Variants in PLA2G12B observed in about 807,000 individuals in gnomAD.
The protein encoded by PLA2G12B is phospholipase A2 group XIIB, also known as group XIIB secretory phospholipase A2-like protein.
A neutral mutation model predicts 22.3 loss-of-function variants in PLA2G12B; 19 were observed. The observed-to-expected ratio is 0.85, with a 90% CI of 0.60 to 1.25. The LOEUF (loss-of-function observed/expected upper bound fraction) is 1.25, where lower values mean the gene tolerates loss of function less well. Ranked by LOEUF, PLA2G12B falls within the 50% of genes most tolerant of loss-of-function variation. The pLI, the probability that PLA2G12B is intolerant of heterozygous loss-of-function variation, is 0.00. For missense variants in PLA2G12B, 191 were observed against 246.6 expected, an observed-to-expected ratio of 0.77 and a Z score of 1.51; for synonymous variants, 81 against 94.9, an observed-to-expected ratio of 0.85 and a Z score of 0.85.
chr10:72,949,852 T>G (rs1846499997), intron 1 of PLA2G12B, among the ~76,000 whole-genome samples: 1 of 152,158 alleles, frequency 6.6e-6, no homozygotes, highest in Non-Finnish European at 1.5e-5. Context: ...GGCGCATGCC[T>G]GTAATCCCAG....
intron 3 of PLA2G12B, among the ~76,000 whole-genome samples, chr10:72,939,247 C>T (rs1353863440): frequency 6.6e-6 from 1 of 152,190 alleles, no homozygotes; most frequent in African/African-American, 2.4e-5. Flanking sequence ...CTTAATAAAT[C>T]TGTTTCAACA....
intron 1 of PLA2G12B, among the ~76,000 whole-genome samples, chr10:72,948,951 C>T (rs908112076): frequency 1.3e-5 from 2 of 152,332 alleles, no homozygotes; most frequent in Non-Finnish European, 2.9e-5. Context: ...CGGGCCCGCC[C>T]TTTTATCTCT....
intron 1 of PLA2G12B, among the ~76,000 whole-genome samples, chr10:72,949,874 G>A (rs943788650): frequency 2.6e-5 from 4 of 152,172 alleles, no homozygotes; most frequent in Non-Finnish European, 2.9e-5. Flanking sequence ...TACGCCAGGA[G>A]GCTGAGGTAG....
chr10:72,946,502 C>CATTT (rs1364910212), intron 1 of PLA2G12B, among the ~76,000 whole-genome samples: 5 of 152,276 alleles, frequency 3.3e-5, no homozygotes, highest in African/African-American at 1.2e-4. Flanking sequence ...CCCTGTTGAA[C>CATTT]ATTTTAAGGA....
intron 1 of PLA2G12B, among the ~76,000 whole-genome samples, chr10:72,949,276 C>G (rs1846489210): frequency 6.6e-6 from 1 of 152,044 alleles, no homozygotes; most frequent in Non-Finnish European, 1.5e-5. Context: ...AGCAATAGTT[C>G]CTATCACTCT....
At chr10:72,939,710 A>G (rs80052464) in intron 3 of PLA2G12B, among the ~76,000 whole-genome samples, 54 of 152,368 alleles carry the variant, frequency 3.5e-4, no homozygotes, top group Non-Finnish European at 6.5e-4. Context: ...CTACGAAGGG[A>G]CAGTTCTGAG....
At chr10:72,937,918 C>G (rs1846302697) in intron 3 of PLA2G12B, among the ~76,000 whole-genome samples, 1 of 151,926 alleles carries the variant, frequency 6.6e-6, no homozygotes, top group Middle Eastern at 3.4e-3. Flanking sequence ...AGTTCCAGAC[C>G]AGCCTGACAA....
intron 1 of PLA2G12B, among the ~76,000 whole-genome samples, chr10:72,946,929 T>G (rs981196407): frequency 6.6e-6 from 1 of 152,066 alleles, no homozygotes; most frequent in African/African-American, 2.4e-5. Flanking sequence ...CTTCTTTTTT[T>G]TTTTTAAGAG....
At position 72,947,252 on chromosome 10, in the gene PLA2G12B, T is replaced by G. The variant is rs536904176; in HGVS notation, c.212-4512A>C. Among the ~76,000 whole-genome samples, 302 of 152,076 alleles carry G rather than the reference T, an allele frequency of 2.0e-3. 1 individual carries two copies. Among genetic ancestry groups the G allele is most frequent in the African/African-American group, 6.7e-3 (277 of 41,470 alleles). On this transcript the variant is annotated intron_variant, in intron 1 of 3. Transcript: ENST00000373032. ...TTTTCATTTTCTTATTTTATTTTAT[T>G]TTTTGAGACAGGGTCTCTCACTCTG...
intron 3 of PLA2G12B, among the ~76,000 whole-genome samples, chr10:72,936,364 T>G (rs2132959261): frequency 6.6e-6 from 1 of 152,042 alleles, no homozygotes; most frequent in East Asian, 1.9e-4. Context: ...GCAGCAAGGG[T>G]TATTAGGAGA....
At position 72,953,673 on chromosome 10, in the gene PLA2G12B, C is replaced by T. The variant is rs75893840; in HGVS notation, c.211+802G>A. Reference sequence around the variant, plus strand: ...ATTTTGCTCCCCTTACATTAACTTCCAGGGCCCCTGGGACCAGGGGCTCTG... The same window carrying T: ...ATTTTGCTCCCCTTACATTAACTTCTAGGGCCCCTGGGACCAGGGGCTCTG... On this transcript the variant is annotated intron_variant, in intron 1 of 3. Coordinates refer to ENST00000373032, the MANE Select transcript of PLA2G12B (RefSeq NM_032562.5). 5.7e-3 allele frequency among the ~76,000 whole-genome samples: 863 copies of T among 152,198 alleles called. 6 individuals carry two copies. The highest frequency in any genetic ancestry group is 9.1e-3 in the Non-Finnish European group (622 of 67,994).
intron 3 of PLA2G12B, among the ~76,000 whole-genome samples, chr10:72,940,666 T>C (rs560598854): frequency 6.6e-6 from 1 of 152,120 alleles, no homozygotes; most frequent in Admixed American, 6.5e-5. Context: ...AGTGAGATTC[T>C]GTCTCAAAAA....
intron 1 of PLA2G12B, among the ~76,000 whole-genome samples, chr10:72,951,364 A>G (rs1044569778): frequency 4.6e-5 from 7 of 151,936 alleles, no homozygotes; most frequent in Non-Finnish European, 7.4e-5. Flanking sequence ...CCACAGACCT[A>G]CTGCATCAGA....
At chr10:72,943,591 G>A (rs185039740) in intron 1 of PLA2G12B, among the ~76,000 whole-genome samples, 2 of 152,262 alleles carry the variant, frequency 1.3e-5, no homozygotes, top group Non-Finnish European at 2.9e-5. Context: ...GATCTGAACA[G>A]CTTTGAATTT....
intron 3 of PLA2G12B, among the ~76,000 whole-genome samples, chr10:72,937,047 T>A (rs1018447892): frequency 1.3e-5 from 2 of 151,952 alleles, no homozygotes; most frequent in Non-Finnish European, 2.9e-5. Flanking sequence ...TTGTCTCTAC[T>A]AAAAATACAA....
chr10:72,943,420 A>C (rs1846392768), intron 1 of PLA2G12B, among the ~76,000 whole-genome samples: 1 of 152,196 alleles, frequency 6.6e-6, no homozygotes, highest in African/African-American at 2.4e-5. Context: ...TTGATCGTAC[A>C]CTTAAGGAAT....
rs1012594473 is a variant in PLA2G12B, at chr10:72,941,198, C to T, written c.437G>A (p.Arg146Gln). ...CACTTTGGAGACAAAGCCCAGACTC[C>T]GCTTAAGGTCAGAGCAGATCGAGTG... The part of the protein sequence containing the change: ...CLHSICSDLK[R>Q]SLGFVSKVEA... Residue 146 changes from arginine to glutamine, a missense_variant, in exon 3 of 4, where the codon CGG (arginine) becomes CAG (glutamine). Arg to Gln is a conservative substitution (Grantham distance 43, BLOSUM62 1). Transcript: ENST00000373032. 7 of 1,613,882 alleles carry T rather than the reference C, an allele frequency of 4.3e-6. No homozygotes were observed. Among genetic ancestry groups the T allele is most frequent in the East Asian group, 4.5e-5 (2 of 44,886 alleles).
At chr10:72,953,132 T>C (rs1846559513) in intron 1 of PLA2G12B, among the ~76,000 whole-genome samples, 1 of 152,196 alleles carries the variant, frequency 6.6e-6, no homozygotes, top group Admixed American at 6.5e-5. Context: ...AAATACATGG[T>C]TTTAGGGCCA....
At chr10:72,941,856 T>C (rs1846367398) in intron 2 of PLA2G12B, among the ~76,000 whole-genome samples, 1 of 144,362 alleles carries the variant, frequency 6.9e-6, no homozygotes, top group Non-Finnish European at 1.5e-5. Context: ...GAAAGTAGAG[T>C]GGGTATAGAA....
Sources: gnomAD v4.1 joint callset for allele counts (sites outside exome capture counted in the v4.1 genomes callset) on GRCh38, gnomAD v4.1.1 for gene constraint, MANE v1.5 for transcripts, NCBI Gene and HGNC (gene_info 2026-07-23, HGNC 2026-07-21) for gene names.